BCL11B: variants seen among roughly 807,000 people sequenced by gnomAD.
The protein encoded by BCL11B is BCL11 transcription factor B.
Under a neutral mutation model 49.9 loss-of-function variants are expected in BCL11B, and 8 were observed. That is an observed-to-expected ratio of 0.16 (90% CI 0.09 to 0.29). The LOEUF (loss-of-function observed/expected upper bound fraction) is 0.29, where lower values mean the gene tolerates loss of function less well. Among genes scored for constraint, BCL11B ranks in the 10% least tolerant of loss-of-function variants. The pLI is 1.00. For synonymous variants in BCL11B, 739 were observed against 637.4 expected (o/e 1.16, Z -2.40); for missense variants, 1,006 against 1,351.0 (o/e 0.74, Z 4.00).
In BCL11B at chr14:99,257,083, A is replaced by T. The variant is rs935861502; in HGVS notation, c.427+388T>A. Among the ~76,000 whole-genome samples, 1 of 152,156 alleles carries T rather than the reference A, an allele frequency of 6.6e-6. No homozygotes were observed. Among genetic ancestry groups the T allele is most frequent in the African/African-American group, 2.4e-5 (1 of 41,444 alleles). ...CCATTTCACAGATGGGCAAACTAAC[A>T]TGTCCAAGTTGTGAAGACAAACTCT... On this transcript the variant is annotated intron_variant, in intron 2 of 3. Transcript: ENST00000357195. This position sits in a 1 kb window ranked among gnomAD's most constrained non-coding sequence, Gnocchi z 6.2.
rs1887144793 is a variant in BCL11B at position 99,195,198 on chromosome 14, GT to G, written c.641-19004del. Among the ~76,000 whole-genome samples the G allele has an allele frequency of 1.3e-5, 2 of 152,298 alleles. No homozygotes were observed. The highest frequency in any genetic ancestry group is 2.9e-5 in the Non-Finnish European group (2 of 68,030). ...CCAAGATGCGTTCTCAGGAAAATAT[GT>G]GGAGCGAACTACCTGGCTTCCTGAC... On this transcript the variant is annotated intron_variant, in intron 3 of 3. Coordinates refer to ENST00000357195, the MANE Select transcript of BCL11B (RefSeq NM_138576.4). This position sits in a 1 kb window ranked among gnomAD's most constrained non-coding sequence, Gnocchi z 4.7.
chr14:99,172,367 A>T lies in BCL11B; in HGVS notation c.*1784T>A, dbSNP rs1394273853. ...TTATTTCTTCATTTGATTGGGTCTT[A>T]TGGCATTTCATATCCTCTATCTTCA... On this transcript the variant is annotated 3_prime_UTR_variant, in exon 4 of 4. Coordinates refer to ENST00000357195, the MANE Select transcript of BCL11B (RefSeq NM_138576.4). The T allele has an allele frequency of 4.5e-6, 1 of 221,070 alleles. No homozygotes were observed. The highest frequency in any genetic ancestry group is 2.2e-5 in the African/African-American group (1 of 44,552). 13.7% of individuals were successfully genotyped at this position (221,070 alleles called of 1,614,324 possible).
chr14:99,174,568 G>A lies in BCL11B; in HGVS notation c.2268C>T (p.Pro756=), dbSNP rs74649889. The change falls in exon 4 of 4, where the codon CCC becomes CCT. Residue 756 remains proline, a synonymous_variant. Transcript: ENST00000357195. ...ENGSLRFSTP[P]GDLLDGGLSG... Reference sequence around the variant, plus strand: ...AGAGGCCGCCGTCCAGCAGGTCCCCGGGCGGCGTGGAGAAGCGCAGGCTGC... The same window carrying A: ...AGAGGCCGCCGTCCAGCAGGTCCCCAGGCGGCGTGGAGAAGCGCAGGCTGC... 0.062 allele frequency: 94,300 copies of A among 1,516,986 alleles called. 3,356 individuals carry two copies. Among genetic ancestry groups the A allele is most frequent in the Middle Eastern group, 0.078 (459 of 5,876 alleles). 94.0% of individuals were successfully genotyped at this position (1,516,986 alleles called of 1,614,324 possible). A position where few individuals can be genotyped will look rare whatever the true frequency, so the allele number is the denominator to read the frequency against.
chr14:99,271,320 C>T lies in BCL11B; in HGVS notation c.-102G>A, dbSNP rs1444087490. ...GCCGCGCCGCTGCCGCCGCTGCCGC[C>T]GCCGCCGCCGCCGCCGCACCTCCTC... On this transcript the variant is annotated 5_prime_UTR_variant, in exon 1 of 4. Transcript: ENST00000357195. The T allele has an allele frequency of 1.1e-5, 8 of 745,808 alleles. No individual in the cohort carries two copies. The highest frequency in any genetic ancestry group is 1.3e-5 in the Non-Finnish European group (7 of 559,986). The allele number at this position is 745,808 out of a possible 1,614,324, so 46.2% of individuals were successfully genotyped here.
chr14:99,214,141 T>A (rs1887764755), intron 3 of BCL11B, among the ~76,000 whole-genome samples: 1 of 152,084 alleles, frequency 6.6e-6, no homozygotes, highest in African/African-American at 2.4e-5. Context: ...TGTCCCCCCA[T>A]CCACGGCCCT....
chr14:99,211,268 G>T (rs1887680273), intron 3 of BCL11B, among the ~76,000 whole-genome samples: 1 of 152,186 alleles, frequency 6.6e-6, no homozygotes, highest in Admixed American at 6.5e-5. Flanking sequence ...AGCAGCAGAG[G>T]CTCCAGTCCC....
rs1887053525 is a variant in BCL11B, at chr14:99,192,238, T to C, written c.641-16043A>G. On this transcript the variant is annotated intron_variant, in intron 3 of 3. Transcript: ENST00000357195. This position sits in a 1 kb window ranked among gnomAD's most constrained non-coding sequence, Gnocchi z 4.0. The stretch of plus-strand genomic sequence containing the variant: ...ATAATACTGTCTTGGCAGCGTTTCC[T>C]TGGAGCGCACACGGTGAACCTGGCT... Among the ~76,000 whole-genome samples, 1 of 152,184 alleles carries C rather than the reference T, an allele frequency of 6.6e-6. No homozygotes were observed. Among genetic ancestry groups the C allele is most frequent in the South Asian group, 2.1e-4 (1 of 4,822 alleles).
chr14:99,241,292 G>A lies in BCL11B; in HGVS notation c.428-9735C>T, dbSNP rs1888662072. On this transcript the variant is annotated intron_variant, in intron 2 of 3. Coordinates refer to ENST00000357195, the MANE Select transcript of BCL11B (RefSeq NM_138576.4). The surrounding 1 kb of genome is among the most constrained non-coding windows in gnomAD (Gnocchi z 4.4). Reference sequence around the variant, plus strand: ...CCCCAAAACAACATTGTAGATAAGAGCCCAGAGGCGGGGAGGCCTCCGGGG... The same window carrying A: ...CCCCAAAACAACATTGTAGATAAGAACCCAGAGGCGGGGAGGCCTCCGGGG... 6.6e-6 allele frequency among the ~76,000 whole-genome samples: 1 copy of A among 151,910 alleles called. No individual in the cohort carries two copies. The highest frequency in any genetic ancestry group is 2.4e-5 in the African/African-American group (1 of 41,312).
At position 99,174,267 on chromosome 14, in the gene BCL11B, C is replaced by T; in HGVS notation, c.2569G>A (p.Asp857Asn). Residue 857 changes from aspartate (D) to asparagine (N), a missense_variant, in exon 4 of 4, where the codon GAC becomes AAC. By Grantham distance (23) the Asp-to-Asn change is conservative. Around this residue, in one of 6 missense-constraint regions of BCL11B, gnomAD observed 24 missense variants for 128.4 expected, o/e 0.19. Transcript: ENST00000357195. ...GQIGKEVYRC[D>N]ICQMPFSVYS... ...ACGCTGAAGGGCATCTGGCAGATGT[C>T]GCAGCGGTACACCTCCTTGCCGATC... 6.2e-7 allele frequency: 1 copy of T among 1,613,770 alleles called. No homozygotes were observed.
chr14:99,200,588 A>G (rs1249921449), intron 3 of BCL11B, among the ~76,000 whole-genome samples: 1 of 152,190 alleles, frequency 6.6e-6, no homozygotes, highest in Non-Finnish European at 1.5e-5. Flanking sequence ...CACTTTGCCC[A>G]TGAGGCAGCG....
intron 1 of BCL11B, among the ~76,000 whole-genome samples, chr14:99,263,695 C>A (rs550061178): frequency 6.6e-6 from 1 of 152,176 alleles, no homozygotes; most frequent in Admixed American, 6.5e-5. Context: ...TTCTCTCCCC[C>A]ACTGCACACA....
intron 3 of BCL11B, among the ~76,000 whole-genome samples, chr14:99,182,318 G>A (rs531414851): frequency 2.6e-5 from 4 of 152,320 alleles, no homozygotes; most frequent in East Asian, 1.9e-4. Context: ...AACTGAGGAC[G>A]GGAAGAGATA....
At chr14:99,196,784 G>A (rs529402058) in intron 3 of BCL11B, among the ~76,000 whole-genome samples, 25 of 152,250 alleles carry the variant, frequency 1.6e-4, no homozygotes, top group Middle Eastern at 3.4e-3. Flanking sequence ...AAACCCACCC[G>A]CTCAAAAAAT....
chr14:99,179,311 T>TA, intron 3 of BCL11B, among the ~76,000 whole-genome samples: 1 of 151,914 alleles, frequency 6.6e-6, no homozygotes, highest in Non-Finnish European at 1.5e-5. Context: ...CCATCTCTGC[T>TA]AAAAATACAA....
intron 2 of BCL11B, among the ~76,000 whole-genome samples, chr14:99,251,643 C>A (rs1889010871): frequency 6.6e-6 from 1 of 152,220 alleles, no homozygotes; most frequent in African/African-American, 2.4e-5. Flanking sequence ...TGTCACCACC[C>A]ATCTCTCCAA....
chr14:99,208,269 C>T (rs946452449), intron 3 of BCL11B, among the ~76,000 whole-genome samples: 8 of 152,176 alleles, frequency 5.3e-5, no homozygotes, highest in Non-Finnish European at 1.0e-4. Context: ...GCATCCCTTC[C>T]CCCACTGGAA....
chr14:99,183,028 C>T (rs1886752663), intron 3 of BCL11B, among the ~76,000 whole-genome samples: 2 of 151,550 alleles, frequency 1.3e-5, no homozygotes, highest in African/African-American at 4.9e-5. Flanking sequence ...AGGTACTATG[C>T]TGGTAGCTAA....
chr14:99,217,328 G>A (rs546740256), intron 3 of BCL11B, among the ~76,000 whole-genome samples: 87 of 150,104 alleles, frequency 5.8e-4, no homozygotes, highest in Admixed American at 2.1e-3. Context: ...ACGTGTACAC[G>A]CATGCACATA....
At chr14:99,214,320 AAG>A (rs1887768707) in intron 3 of BCL11B, among the ~76,000 whole-genome samples, 1 of 152,164 alleles carries the variant, frequency 6.6e-6, no homozygotes, top group Admixed American at 6.5e-5. Context: ...TGGGAGGCCG[AAG>A]AGAGAGGATC....
Sources: allele counts gnomAD v4.1 joint callset (sites outside exome capture counted in the v4.1 genomes callset), GRCh38; gene constraint gnomAD v4.1.1; regional missense constraint gnomAD v4.1.1; non-coding constraint Gnocchi (gnomAD v3.1); transcripts MANE v1.5; gene names NCBI Gene and HGNC (gene_info 2026-07-23, HGNC 2026-07-21).